Variants in RFX7 observed in about 807,000 individuals in gnomAD.
The protein encoded by RFX7 is DNA-binding protein RFX7.
Under a neutral mutation model 111.8 loss-of-function variants are expected in RFX7, and 26 were observed. The observed-to-expected ratio is 0.23, with a 90% CI of 0.17 to 0.32. The LOEUF is 0.32. RFX7 is among the 10% of genes least tolerant of loss of function. RFX7 has a pLI of 1.00. For synonymous variants in RFX7, 624 were observed against 624.4 expected, an observed-to-expected ratio of 1.00 and a Z score of 0.01; for missense variants, 1,573 against 1,772.9, an observed-to-expected ratio of 0.89 and a Z score of 2.02.
chr15:56,156,078 G>A (rs1459695861), intron 3 of RFX7, among the ~76,000 whole-genome samples: 2 of 151,976 alleles, frequency 1.3e-5, no homozygotes, highest in Non-Finnish European at 2.9e-5. Context: ...ACTTTGGGCC[G>A]TACGTAGCAT....
chr15:56,221,133 T>A (rs1396027379), intron 2 of RFX7, among the ~76,000 whole-genome samples: 2 of 152,252 alleles, frequency 1.3e-5, no homozygotes, highest in Non-Finnish European at 2.9e-5. Context: ...CCCGCTTTGT[T>A]CATTTTGCTT....
At chr15:56,230,525 T>A (rs1175832777) in intron 2 of RFX7, among the ~76,000 whole-genome samples, 2 of 152,116 alleles carry the variant, frequency 1.3e-5, no homozygotes, top group African/African-American at 2.4e-5. Context: ...AGAAACAATA[T>A]GTAGAAAAAA....
chr15:56,235,168 T>C (rs150333410), intron 2 of RFX7, among the ~76,000 whole-genome samples: 16 of 148,834 alleles, frequency 1.1e-4, no homozygotes, highest in African/African-American at 3.7e-4. Flanking sequence ...AATCCCCTGT[T>C]CTCGTTTGTT....
In RFX7 at chr15:56,091,359, G is replaced by A. The variant is rs1462892984; in HGVS notation, c.*1986C>T. ...CTACCACAGGTTCAACAAATTTAGT[G>A]CAATATATGAACCCCAGAAAGTTTG... On this transcript the variant is annotated 3_prime_UTR_variant, in exon 10 of 10. Coordinates refer to ENST00000559447, the MANE Select transcript of RFX7 (RefSeq NM_022841.7). 1 of 152,460 alleles carries A rather than the reference G, an allele frequency of 6.6e-6. No homozygotes were observed. Among genetic ancestry groups the A allele is most frequent in the Non-Finnish European group, 1.5e-5 (1 of 67,948 alleles). The allele number at this position is 152,460 out of a possible 1,614,324, so 9.4% of individuals were successfully genotyped here. A position where few individuals can be genotyped will look rare whatever the true frequency, so the allele number is the denominator to read the frequency against.
intron 2 of RFX7, among the ~76,000 whole-genome samples, chr15:56,187,855 G>C (rs2043058395): frequency 6.6e-6 from 1 of 152,046 alleles, no homozygotes; most frequent in African/African-American, 2.4e-5. Context: ...ACTCATCAGA[G>C]AAAAAGAACA....
chr15:56,165,991 C>A (rs573685352), intron 3 of RFX7, among the ~76,000 whole-genome samples: 1 of 152,248 alleles, frequency 6.6e-6, no homozygotes, highest in East Asian at 1.9e-4. Flanking sequence ...AGCCTTTGAC[C>A]TCCTGGGCTC....
intron 3 of RFX7, among the ~76,000 whole-genome samples, chr15:56,153,641 C>T (rs2042607880): frequency 6.6e-6 from 1 of 152,148 alleles, no homozygotes; most frequent in East Asian, 1.9e-4. Flanking sequence ...TGGAACTTAT[C>T]TCAAAATAAT....
intron 9 of RFX7, among the ~76,000 whole-genome samples, chr15:56,096,954 C>G (rs2041687561): frequency 6.6e-6 from 1 of 152,108 alleles, no homozygotes; most frequent in South Asian, 2.1e-4. Context: ...AAGAAACATA[C>G]AACTGTAAAG....
At chr15:56,163,149 T>C (rs1303435805) in intron 3 of RFX7, among the ~76,000 whole-genome samples, 1 of 152,096 alleles carries the variant, frequency 6.6e-6, no homozygotes, top group Non-Finnish European at 1.5e-5. Flanking sequence ...AAGCAAGGAT[T>C]TGAGGTGAGA....
At chr15:56,126,047 T>TTTC (rs2042141112) in intron 5 of RFX7, among the ~76,000 whole-genome samples, 1 of 152,222 alleles carries the variant, frequency 6.6e-6, no homozygotes, top group Admixed American at 6.5e-5. Flanking sequence ...ATAGTTTTTA[T>TTTC]TTCTTATGGT....
At chr15:56,160,908 G>T (rs1313262468) in intron 3 of RFX7, among the ~76,000 whole-genome samples, 1 of 151,974 alleles carries the variant, frequency 6.6e-6, no homozygotes, top group African/African-American at 2.4e-5. Context: ...TTTCTTTTAA[G>T]GGCTACCTAC....
intron 2 of RFX7, among the ~76,000 whole-genome samples, chr15:56,206,698 T>C (rs2043255878): frequency 6.6e-6 from 1 of 151,840 alleles, no homozygotes; most frequent in Admixed American, 6.6e-5. Flanking sequence ...ATTGCAGTAA[T>C]ATAGATGGAA....
intron 8 of RFX7, among the ~76,000 whole-genome samples, chr15:56,099,313 G>A (rs748054714): frequency 2.6e-5 from 4 of 152,074 alleles, no homozygotes; most frequent in Non-Finnish European, 5.9e-5. Context: ...TTGGTGTGGG[G>A]AGCAGGAAAT....
intron 3 of RFX7, among the ~76,000 whole-genome samples, chr15:56,170,714 A>G (rs1055410706): frequency 1.3e-5 from 2 of 152,176 alleles, no homozygotes; most frequent in Non-Finnish European, 2.9e-5. Context: ...CACTAACCAC[A>G]TTTCAAGTAT....
At position 56,094,503 on chromosome 15, in the gene RFX7, T is replaced by C. The variant is rs571415918; in HGVS notation, c.3225A>G (p.Ser1075=). 25 of 1,613,924 alleles carry C rather than the reference T, an allele frequency of 1.5e-5. No individual in the cohort carries two copies. The highest frequency in any genetic ancestry group is 2.0e-5 in the Non-Finnish European group (24 of 1,179,880). ...MNNGYSGVGN[S]SVSGHGILPS... ...GGAGAATACCATGGCCAGAAACTGA[T>C]GAATTACCAACCCCACTATACCCAT... Residue 1075 remains serine (S), a synonymous_variant, in exon 10 of 10, where the codon TCA becomes TCG. Transcript: ENST00000559447.
intron 3 of RFX7, among the ~76,000 whole-genome samples, chr15:56,150,425 G>T (rs2042553035): frequency 1.3e-5 from 2 of 152,184 alleles, no homozygotes; most frequent in South Asian, 2.1e-4. Flanking sequence ...GCTGGCATCT[G>T]GCAGGTGCTC....
At position 56,094,087 on chromosome 15, in the gene RFX7, G is replaced by A. The variant is rs1319899849; in HGVS notation, c.3641C>T (p.Ala1214Val). The A allele has an allele frequency of 6.2e-7, 1 of 1,614,006 alleles. No homozygotes were observed. The highest frequency in any genetic ancestry group is 1.7e-5 in the Admixed American group (1 of 60,026). The change falls in exon 10 of 10, where the codon GCA (alanine) becomes GTA (valine). Residue 1214 changes from alanine to valine, a missense_variant. Coordinates refer to ENST00000559447, the MANE Select transcript of RFX7 (RefSeq NM_022841.7). ...TCTTTGAGCTATGTTGTTGGCACAT[G>A]CGTCTGTGTGAACATTTGTGAAAAC... Reference protein sequence around the residue: ...VHVFTNVHTDACANNIAQRSQ... With the variant: ...VHVFTNVHTDVCANNIAQRSQ...
chr15:56,095,464 T>C lies in RFX7; in HGVS notation c.2264A>G (p.Asp755Gly). The C allele has an allele frequency of 6.2e-7, 1 of 1,612,428 alleles. No individual in the cohort carries two copies. The highest frequency in any genetic ancestry group is 2.2e-5 in the East Asian group (1 of 44,890). The change falls in exon 10 of 10, where the codon GAT (aspartate) becomes GGT (glycine). Residue 755 changes from aspartate to glycine, a missense_variant. Physicochemically the swap from Asp to Gly is moderately conservative, Grantham distance 94 (BLOSUM62 -1). Around this residue, in one of 7 missense-constraint regions of RFX7, gnomAD observed 625 missense variants for 632.2 expected, o/e 0.99. Transcript: ENST00000559447. ...ACTTCCTTCAAGTTTTACTTTTATATCTGGAGATGATGATGGGGTTGTTTG... is the reference window on the plus strand; with the variant it reads ...ACTTCCTTCAAGTTTTACTTTTATACCTGGAGATGATGATGGGGTTGTTTG... ...EQQTTPSSSP[D>G]IKVKLEGSVF...
intron 2 of RFX7, among the ~76,000 whole-genome samples, chr15:56,211,954 A>G (rs2043316938): frequency 6.6e-6 from 1 of 152,168 alleles, no homozygotes; most frequent in Admixed American, 6.5e-5. Context: ...ACATTTTGGC[A>G]GTTTCTCACA....
Sources: allele counts gnomAD v4.1 joint callset (sites outside exome capture counted in the v4.1 genomes callset), GRCh38; gene constraint gnomAD v4.1.1; regional missense constraint gnomAD v4.1.1; transcripts MANE v1.5; gene names NCBI Gene and HGNC (gene_info 2026-07-23, HGNC 2026-07-21).